Variants in GATD1 observed in about 807,000 individuals in gnomAD.
The protein encoded by GATD1 is glutamine amidotransferase-like class 1 domain-containing protein 1.
GATD1 carries 23 observed loss-of-function variants against 25.9 expected under a neutral mutation model. The ratio of observed to expected loss-of-function variants is 0.89; its 90% CI spans 0.64 to 1.26. GATD1 has a LOEUF of 1.26. Ranked by LOEUF, GATD1 falls within the 50% of genes most tolerant of loss-of-function variation. GATD1 has a pLI of 0.00. For missense variants in GATD1, 347 were observed against 312.5 expected, an observed-to-expected ratio of 1.11 and a Z score of -0.83; for synonymous variants, 177 against 134.6, an observed-to-expected ratio of 1.31 and a Z score of -2.18.
chr11:767,469 C>T lies in GATD1; in HGVS notation c.*3428G>A, dbSNP rs752862403. ...GACGCAGGGGCCTGCAGGCAGCTCACGCGGAGACAGGTCTGTGGGGCCCCG... is the reference window on the plus strand; with the variant it reads ...GACGCAGGGGCCTGCAGGCAGCTCATGCGGAGACAGGTCTGTGGGGCCCCG... On this transcript the variant is annotated 3_prime_UTR_variant, in exon 8 of 8. Coordinates refer to ENST00000319863, the MANE Select transcript of GATD1 (RefSeq NM_182612.4). The T allele has an allele frequency of 7.6e-6, 11 of 1,449,380 alleles. No homozygotes were observed. The highest frequency in any genetic ancestry group is 2.9e-5 in the South Asian group (2 of 69,736). The allele number at this position is 1,449,380 out of a possible 1,614,324, so 89.8% of individuals were successfully genotyped here.
Position 775,156 on chromosome 11 carries a change from C to A in GATD1, c.65-14G>T. On this transcript the variant is annotated splice_polypyrimidine_tract_variant and intron_variant, in intron 1 of 7. Transcript: ENST00000319863. Reference sequence around the variant, plus strand: ...GGGCCGACACACCTGCAGAAGGTCCCAGTGAGTGTGGGCTCGACAGGACTA... The same window carrying A: ...GGGCCGACACACCTGCAGAAGGTCCAAGTGAGTGTGGGCTCGACAGGACTA... The A allele has an allele frequency of 6.3e-7, 1 of 1,592,876 alleles. No individual in the cohort carries two copies. Among genetic ancestry groups the A allele is most frequent in the Non-Finnish European group, 8.5e-7 (1 of 1,170,876 alleles).
At position 767,484 on chromosome 11, in the gene GATD1, G is replaced by C; in HGVS notation, c.*3413C>G. On this transcript the variant is annotated 3_prime_UTR_variant, in exon 8 of 8. Coordinates refer to ENST00000319863, the MANE Select transcript of GATD1 (RefSeq NM_182612.4). The stretch of plus-strand genomic sequence containing the variant: ...AGGCAGCTCACGCGGAGACAGGTCT[G>C]TGGGGCCCCGCGTCAGAACCCACTT... 7.0e-7 allele frequency: 1 copy of C among 1,437,616 alleles called. No homozygotes were observed. Among genetic ancestry groups the C allele is most frequent in the Non-Finnish European group, 9.1e-7 (1 of 1,101,688 alleles). 89.1% of individuals were successfully genotyped at this position (1,437,616 alleles called of 1,614,324 possible). A position where few individuals can be genotyped will look rare whatever the true frequency, so the allele number is the denominator to read the frequency against.
Position 774,257 on chromosome 11 carries a change from A to C in GATD1, c.142-144T>G, listed in dbSNP as rs1863743558. The C allele has an allele frequency of 4.5e-6, 3 of 662,004 alleles. No individual in the cohort carries two copies. The South Asian group carries it at 5.7e-5, about 13-fold the overall frequency. The allele number at this position is 662,004 out of a possible 1,614,324, so 41.0% of individuals were successfully genotyped here. On this transcript the variant is annotated intron_variant, in intron 2 of 7. Transcript: ENST00000319863. Reference sequence around the variant, plus strand: ...CCGACCACCCAGCCTCCTTCACGGGATCTCCCAGGGTCGGGGAGCCTGTCC... The same window carrying C: ...CCGACCACCCAGCCTCCTTCACGGGCTCTCCCAGGGTCGGGGAGCCTGTCC...
intron 6 of GATD1, 88 bp downstream of exon 6, chr11:771,245 A>G (rs781638436): frequency 6.4e-7 from 1 of 1,553,594 alleles, no homozygotes; most frequent in East Asian, 2.4e-5. Context: ...TATAGAACCC[A>G]GGGCCCAGGA....
rs764948697 is a variant in GATD1, at chr11:772,564, C to T, written c.356-43G>A. On this transcript the variant is annotated intron_variant, in intron 4 of 7. Coordinates refer to ENST00000319863, the MANE Select transcript of GATD1 (RefSeq NM_182612.4). ...CGTTGAGGCCCTGGACCCCGCCACC[C>T]GCACCCTGAAGCCCCTCCCAGATGC... is the stretch of plus-strand genomic sequence containing the variant. 7 of 1,567,500 alleles carry T rather than the reference C, an allele frequency of 4.5e-6. No homozygotes were observed. The Admixed American group carries it at 5.0e-5, about 11-fold the overall frequency.
rs1863332072 is a variant in GATD1 at position 770,491 on chromosome 11, T to C, written c.*406A>G. 3 of 1,437,088 alleles carry C rather than the reference T, an allele frequency of 2.1e-6. No homozygotes were observed. The highest frequency in any genetic ancestry group is 2.7e-6 in the Non-Finnish European group (3 of 1,095,638). 89.0% of individuals were successfully genotyped at this position (1,437,088 alleles called of 1,614,324 possible). On this transcript the variant is annotated 3_prime_UTR_variant, in exon 8 of 8. Transcript: ENST00000319863. ...AGGCCCCCACCAACAGTGAAAGAGGTGGTGGGTGGCAGACAGGCCACAGCA... is the reference window on the plus strand; with the variant it reads ...AGGCCCCCACCAACAGTGAAAGAGGCGGTGGGTGGCAGACAGGCCACAGCA...
At position 769,282 on chromosome 11, in the gene GATD1, TC is replaced by T; in HGVS notation, c.*1614del. On this transcript the variant is annotated 3_prime_UTR_variant, in exon 8 of 8. Transcript: ENST00000319863. ...GGATGTGGCTGCAGCGCTTCCTTCT[TC>T]CACTTTTTTCCAAATTCTCCTTATT... is the stretch of plus-strand genomic sequence containing the variant. 1 of 985,358 alleles carries T rather than the reference TC, an allele frequency of 1.0e-6. No homozygotes were observed. The highest frequency in any genetic ancestry group is 1.2e-6 in the Non-Finnish European group (1 of 829,938). The allele number at this position is 985,358 out of a possible 1,614,324, so 61.0% of individuals were successfully genotyped here.
Position 774,074 on chromosome 11 carries a change from C to T in GATD1, c.181G>A (p.Ala61Thr). 1 of 1,613,754 alleles carries T rather than the reference C, an allele frequency of 6.2e-7. No individual in the cohort carries two copies. Among genetic ancestry groups the T allele is most frequent in the Non-Finnish European group, 8.5e-7 (1 of 1,180,002 alleles). Residue 61 changes from alanine (A) to threonine (T), a missense_variant, in exon 3 of 8, where the codon GCA (alanine) becomes ACA (threonine). Physicochemically the swap from Ala to Thr is moderately conservative, Grantham distance 58. Transcript: ENST00000319863. ...AGGCGGAAGTCTTGCACCCAGCGTGCATTGCTCTCAGTCACATCCACAAAT... is the reference window on the plus strand; with the variant it reads ...AGGCGGAAGTCTTGCACCCAGCGTGTATTGCTCTCAGTCACATCCACAAAT... ...MEFVDVTESN[A>T]RWVQDFRLKA...
chr11:775,463 T>A (rs1863866901), intron 1 of GATD1, among the ~76,000 whole-genome samples: 1 of 152,194 alleles, frequency 6.6e-6, no homozygotes, highest in African/African-American at 2.4e-5. Flanking sequence ...AGCCAGAAGC[T>A]GGGAGAGGAT....
At position 770,704 on chromosome 11, in the gene GATD1, T is replaced by C. The variant is rs1863351259; in HGVS notation, c.*193A>G. 1.1e-5 allele frequency: 16 copies of C among 1,441,948 alleles called. No homozygotes were observed. Among genetic ancestry groups the C allele is most frequent in the Non-Finnish European group, 1.3e-5 (14 of 1,102,614 alleles). 89.3% of individuals were successfully genotyped at this position (1,441,948 alleles called of 1,614,324 possible). On this transcript the variant is annotated 3_prime_UTR_variant, in exon 8 of 8. Transcript: ENST00000319863. ...CAGAGAACATGCAGGAGGATGGGGG[T>C]TTGGACCCTCCAGGAGAGCCGACAC...
chr11:770,364 G>C lies in GATD1; in HGVS notation c.*533C>G. 6.5e-7 allele frequency: 1 copy of C among 1,534,002 alleles called. No homozygotes were observed. Among genetic ancestry groups the C allele is most frequent in the South Asian group, 1.2e-5 (1 of 83,914 alleles). The stretch of plus-strand genomic sequence containing the variant: ...TTTCTTCAACAGGAAAGTGCTGCCA[G>C]TGCCGGTCGGCCTTGGGGCAGGAGG... On this transcript the variant is annotated 3_prime_UTR_variant, in exon 8 of 8. Coordinates refer to ENST00000319863, the MANE Select transcript of GATD1 (RefSeq NM_182612.4).
At position 770,270 on chromosome 11, in the gene GATD1, T is replaced by A; in HGVS notation, c.*627A>T. ...ATGGTCTCATATTCACAAGTAAACG[T>A]GCCTCTCAATGCTTAGGACAGGGTG... On this transcript the variant is annotated 3_prime_UTR_variant, in exon 8 of 8. Coordinates refer to ENST00000319863, the MANE Select transcript of GATD1 (RefSeq NM_182612.4). 7 of 1,452,288 alleles carry A rather than the reference T, an allele frequency of 4.8e-6. No homozygotes were observed. The highest frequency in any genetic ancestry group is 6.4e-6 in the Non-Finnish European group (7 of 1,101,252). 90.0% of individuals were successfully genotyped at this position (1,452,288 alleles called of 1,614,324 possible).
chr11:775,288 A>G, intron 1 of GATD1, 146 bp from the exon 2 acceptor site: 1 of 627,372 alleles, frequency 1.6e-6, no homozygotes, highest in South Asian at 2.2e-5. Flanking sequence ...GACTACTTGA[A>G]GCCCTGGGGC....
chr11:775,044 G>A (rs1590097603), intron 2 of GATD1, 22 bp downstream of exon 2: 1 of 1,589,460 alleles, frequency 6.3e-7, no homozygotes, highest in South Asian at 1.1e-5. Context: ...GTGTCCAGTG[G>A]GGAAGGAGAG....
At chr11:772,969 G>A (rs972508166) in intron 4 of GATD1, among the ~76,000 whole-genome samples, 18 of 152,200 alleles carry the variant, frequency 1.2e-4, no homozygotes, top group African/African-American at 4.3e-4. Flanking sequence ...GGACATCCTG[G>A]CTCCATCCGA....
chr11:771,347 C>T lies in GATD1; in HGVS notation c.530G>A (p.Gly177Asp). ...TCGAGGCTCACCACTGAAGCAGGCG[C>T]CCGAATCCTTCACGAAGTCCTCCAC... ...LVVEDFVKDSGACFSASEPDA... is the reference protein window; with the variant it reads ...LVVEDFVKDSDACFSASEPDA... Residue 177 changes from glycine to aspartate, a missense_variant, in exon 6 of 8, where the codon GGC (glycine) becomes GAC (aspartate). Transcript: ENST00000319863. 1 of 1,598,368 alleles carries T rather than the reference C, an allele frequency of 6.3e-7. No individual in the cohort carries two copies. The highest frequency in any genetic ancestry group is 8.5e-7 in the Non-Finnish European group (1 of 1,172,474).
At position 770,737 on chromosome 11, in the gene GATD1, G is replaced by C; in HGVS notation, c.*160C>G. 6.7e-7 allele frequency: 1 copy of C among 1,489,618 alleles called. No individual in the cohort carries two copies. The highest frequency in any genetic ancestry group is 1.4e-5 in the South Asian group (1 of 72,910). 92.3% of individuals were successfully genotyped at this position (1,489,618 alleles called of 1,614,324 possible). On this transcript the variant is annotated 3_prime_UTR_variant, in exon 8 of 8. Coordinates refer to ENST00000319863, the MANE Select transcript of GATD1 (RefSeq NM_182612.4). ...CTCCAGGAGAGCCGACACCCCCTCA[G>C]AGCTGATTCCAGGAGGCCTCCAACA...
chr11:776,891 CG>C (rs1391582395), intron 1 of GATD1: 1 of 152,338 alleles, frequency 6.6e-6, no homozygotes, highest in African/African-American at 2.4e-5. Flanking sequence ...ACGGGGGCCG[CG>C]GGGCGCCTTC....
intron 1 of GATD1, among the ~76,000 whole-genome samples, chr11:776,227 C>T (rs531974472): frequency 2.6e-4 from 39 of 152,134 alleles, no homozygotes; most frequent in Non-Finnish European, 5.7e-4. Context: ...GTGATCCGCC[C>T]GCCTCAGCCT....
Sources: allele counts gnomAD v4.1 joint callset (sites outside exome capture counted in the v4.1 genomes callset), GRCh38; gene constraint gnomAD v4.1.1; transcripts MANE v1.5; gene names NCBI Gene and HGNC (gene_info 2026-07-23, HGNC 2026-07-21).